TMEM117: variants seen among roughly 807,000 people sequenced by gnomAD.
TMEM117 encodes transmembrane protein 117.
A neutral mutation model predicts 52.4 loss-of-function variants in TMEM117; 27 were observed. That is an observed-to-expected ratio of 0.51 (90% CI 0.38 to 0.71). The LOEUF (loss-of-function observed/expected upper bound fraction) is 0.71. TMEM117 is among the 30% of genes least tolerant of loss of function. The pLI, the probability that TMEM117 is intolerant of heterozygous loss-of-function variation, is 0.00. For synonymous variants in TMEM117, 215 were observed against 206.3 expected (o/e 1.04, Z -0.36); for missense variants, 556 against 630.5 (o/e 0.88, Z 1.26).
chr12:44,090,419 TTTA>T (rs1013183142), intron 3 of TMEM117, among the ~76,000 whole-genome samples: 1 of 147,502 alleles, frequency 6.8e-6, no homozygotes, highest in Non-Finnish European at 1.5e-5. Context: ...TATTTATTTA[TTTA>T]TTTATTTATT....
intron 3 of TMEM117, among the ~76,000 whole-genome samples, chr12:44,122,976 G>A (rs905040622): frequency 2.6e-5 from 4 of 152,168 alleles, no homozygotes; most frequent in African/African-American, 9.7e-5. Flanking sequence ...GGTCTTTGAG[G>A]AATTGCCACA....
chr12:44,207,537 A>G (rs1400775385), intron 4 of TMEM117, among the ~76,000 whole-genome samples: 1 of 152,154 alleles, frequency 6.6e-6, no homozygotes, highest in Non-Finnish European at 1.5e-5. Flanking sequence ...TCATAGTTCA[A>G]CATTAAATTA....
chr12:44,238,078 G>C (rs1307862575), intron 5 of TMEM117, among the ~76,000 whole-genome samples: 1 of 152,096 alleles, frequency 6.6e-6, no homozygotes, highest in East Asian at 1.9e-4. Context: ...TATCATCATG[G>C]CTTTGACTTC....
At chr12:43,893,481 A>G (rs1350111958) in intron 2 of TMEM117, among the ~76,000 whole-genome samples, 1 of 152,172 alleles carries the variant, frequency 6.6e-6, no homozygotes, top group Admixed American at 6.5e-5. Flanking sequence ...TATTCCCACT[A>G]AAAATTTCTC....
At chr12:43,985,387 A>T (rs994249695) in intron 3 of TMEM117, among the ~76,000 whole-genome samples, 16 of 142,332 alleles carry the variant, frequency 1.1e-4, no homozygotes, top group Admixed American at 5.5e-4. Context: ...ATATACTTTT[A>T]AAAAAATTTG....
At chr12:44,341,562 G>T (rs970415294) in intron 6 of TMEM117, among the ~76,000 whole-genome samples, 3 of 152,082 alleles carry the variant, frequency 2.0e-5, no homozygotes, top group Non-Finnish European at 4.4e-5. Flanking sequence ...GAATAGTGCT[G>T]CAATAAACAT....
intron 6 of TMEM117, among the ~76,000 whole-genome samples, chr12:44,357,292 T>G (rs1951663054): frequency 6.6e-6 from 1 of 152,110 alleles, no homozygotes; most frequent in Admixed American, 6.6e-5. Flanking sequence ...ATTATGATCA[T>G]TTCTCTATCT....
rs776593791 is a variant in TMEM117, at chr12:44,376,579, T to C, written c.769-16T>C. On this transcript the variant is annotated splice_polypyrimidine_tract_variant and intron_variant, in intron 6 of 7. Coordinates refer to ENST00000266534, the MANE Select transcript of TMEM117 (RefSeq NM_032256.3). Reference sequence around the variant, plus strand: ...GAAACGAATCACAAATGTTTTTATTTGATTTTCTCTGACAGGACTGGGAAT... The same window carrying C: ...GAAACGAATCACAAATGTTTTTATTCGATTTTCTCTGACAGGACTGGGAAT... 1 of 1,586,534 alleles carries C rather than the reference T, an allele frequency of 6.3e-7. No homozygotes were observed. Among genetic ancestry groups the C allele is most frequent in the East Asian group, 2.2e-5 (1 of 44,480 alleles).
intron 3 of TMEM117, among the ~76,000 whole-genome samples, chr12:44,123,520 T>C (rs970372063): frequency 1.3e-5 from 2 of 152,196 alleles, no homozygotes; most frequent in African/African-American, 4.8e-5. Flanking sequence ...CTTCCAGGGT[T>C]TTTATAGCTT....
intron 4 of TMEM117, among the ~76,000 whole-genome samples, chr12:44,199,035 A>G (rs1180137058): frequency 6.6e-6 from 1 of 152,180 alleles, no homozygotes; most frequent in Non-Finnish European, 1.5e-5. Context: ...GAAATACTGG[A>G]GCCCTGTTGT....
intron 5 of TMEM117, among the ~76,000 whole-genome samples, chr12:44,278,687 A>G (rs1006969756): frequency 2.6e-5 from 4 of 152,354 alleles, no homozygotes; most frequent in Middle Eastern, 3.4e-3. Flanking sequence ...TCTTCATTGA[A>G]CAATTTTAAG....
intron 2 of TMEM117, among the ~76,000 whole-genome samples, chr12:43,915,978 G>A (rs1276520012): frequency 1.3e-5 from 2 of 152,086 alleles, no homozygotes; most frequent in African/African-American, 2.4e-5. Context: ...TCTAGCAAAA[G>A]GACTGCTGTG....
chr12:44,321,169 C>T (rs1289913589), intron 6 of TMEM117, among the ~76,000 whole-genome samples: 2 of 152,130 alleles, frequency 1.3e-5, no homozygotes, highest in African/African-American at 4.8e-5. Context: ...TAGACAATTC[C>T]TGCATTAAAT....
chr12:44,190,978 G>A (rs940332091), intron 4 of TMEM117, among the ~76,000 whole-genome samples: 21 of 147,146 alleles, frequency 1.4e-4, no homozygotes, highest in African/African-American at 5.2e-4. Flanking sequence ...ATATATATTA[G>A]TCTATTCTCA....
At chr12:44,327,758 T>C (rs1296241912) in intron 6 of TMEM117, among the ~76,000 whole-genome samples, 1 of 152,176 alleles carries the variant, frequency 6.6e-6, no homozygotes, top group Non-Finnish European at 1.5e-5. Flanking sequence ...GTGTATTGCA[T>C]ATTGCATTTA....
chr12:44,175,894 G>C (rs1181482757), intron 4 of TMEM117, among the ~76,000 whole-genome samples: 1 of 152,174 alleles, frequency 6.6e-6, no homozygotes, highest in Non-Finnish European at 1.5e-5. Flanking sequence ...AATGGTTTTT[G>C]TTGATATGTA....
chr12:44,223,405 C>G (rs988838801), intron 5 of TMEM117, among the ~76,000 whole-genome samples: 1 of 150,536 alleles, frequency 6.6e-6, no homozygotes, highest in South Asian at 2.1e-4. Context: ...AGACCTTACT[C>G]AACCCCCCAG....
intron 5 of TMEM117, among the ~76,000 whole-genome samples, chr12:44,242,732 T>G (rs2138486175): frequency 6.7e-6 from 1 of 148,524 alleles, no homozygotes; most frequent in Non-Finnish European, 1.5e-5. Flanking sequence ...ATATTCTATC[T>G]ATATATTATA....
At chr12:43,903,336 G>A (rs1250677317) in intron 2 of TMEM117, among the ~76,000 whole-genome samples, 1 of 152,042 alleles carries the variant, frequency 6.6e-6, no homozygotes, top group Non-Finnish European at 1.5e-5. Flanking sequence ...ATCGAGTGTT[G>A]AGGATATAAA....
Sources: gnomAD v4.1 joint callset for allele counts (sites outside exome capture counted in the v4.1 genomes callset) on GRCh38, gnomAD v4.1.1 for gene constraint, MANE v1.5 for transcripts, NCBI Gene and HGNC (gene_info 2026-07-23, HGNC 2026-07-21) for gene names.